PTPRD: variants seen among roughly 807,000 people sequenced by gnomAD.
PTPRD encodes protein tyrosine phosphatase receptor type D.
A neutral mutation model predicts 214.5 loss-of-function variants in PTPRD; 34 were observed. The observed-to-expected ratio is 0.16, with a 90% confidence interval of 0.12 to 0.21. The LOEUF is 0.21. Among genes scored for constraint, PTPRD ranks in the 10% least tolerant of loss-of-function variants. The pLI is 1.00. For missense variants in PTPRD, 2,545 were observed against 2,398.7 expected, an observed-to-expected ratio of 1.06 and a Z score of -1.27; for synonymous variants, 1,128 against 845.7, an observed-to-expected ratio of 1.33 and a Z score of -5.79.
intron 7 of PTPRD, among the ~76,000 whole-genome samples, chr9:9,595,696 GAA>G (rs1358577003): frequency 6.6e-6 from 1 of 151,828 alleles, no homozygotes; most frequent in Non-Finnish European, 1.5e-5. Context: ...CACAGGAATG[GAA>G]AACCAAACAT....
intron 32 of PTPRD, among the ~76,000 whole-genome samples, chr9:8,461,598 T>C (rs368835573): frequency 3.3e-5 from 5 of 151,602 alleles, no homozygotes; most frequent in East Asian, 3.9e-4. Context: ...CAAACCACCA[T>C]TGGTCCTATT....
intron 9 of PTPRD, among the ~76,000 whole-genome samples, chr9:9,227,128 T>C (rs1221730320): frequency 6.6e-6 from 1 of 152,068 alleles, no homozygotes; most frequent in Non-Finnish European, 1.5e-5. Flanking sequence ...ACAAATGAGG[T>C]GAAGTAACTT....
intron 3 of PTPRD, among the ~76,000 whole-genome samples, chr9:10,331,939 G>A (rs1436178634): frequency 6.6e-6 from 1 of 151,828 alleles, no homozygotes; most frequent in Non-Finnish European, 1.5e-5. Context: ...AATGTTCAGG[G>A]TAGGGGATTA....
chr9:10,148,294 T>A lies in PTPRD; in HGVS notation c.-544-114504A>T, dbSNP rs1478398480. ...TTTTACTTTTTTCATCTATGAGAAA[T>A]AAATTGACCTATTAATAATCATTTA... On this transcript the variant is annotated intron_variant, in intron 3 of 45. Coordinates refer to ENST00000381196, the MANE Select transcript of PTPRD (RefSeq NM_002839.4). Among the ~76,000 whole-genome samples the A allele has an allele frequency of 2.0e-5, 3 of 152,330 alleles. 1 individual carries two copies. Among genetic ancestry groups the A allele is most frequent in the East Asian group, 3.9e-4 (2 of 5,192 alleles).
chr9:8,551,770 A>G (rs1477525178), intron 14 of PTPRD, among the ~76,000 whole-genome samples: 2 of 152,218 alleles, frequency 1.3e-5, no homozygotes, highest in Non-Finnish European at 2.9e-5. Context: ...CAAAATGTTG[A>G]CTATGAGGAC....
Position 9,290,897 on chromosome 9 carries a change from C to T in PTPRD, c.-203+106552G>A, listed in dbSNP as rs1950946696. On this transcript the variant is annotated intron_variant, in intron 9 of 45. Transcript: ENST00000381196. ...CCATAGCCACAAGATAGAGTCTTTG[C>T]TATCAGTGAGATTATATCATTAAAT... Among the ~76,000 whole-genome samples the T allele has an allele frequency of 2.0e-5, 3 of 151,366 alleles. No homozygotes were observed. In the South Asian group the frequency reaches 6.2e-4, roughly 31 times the overall value.
At chr9:8,497,195 C>A in intron 26 of PTPRD, 47 bp downstream of exon 26, 1 of 1,494,004 alleles carries the variant, frequency 6.7e-7, no homozygotes, top group Non-Finnish European at 9.1e-7. Flanking sequence ...TCAGAGAAAA[C>A]AAGCATATAT....
At chr9:10,584,224 C>G (rs888743414) in intron 2 of PTPRD, among the ~76,000 whole-genome samples, 1 of 151,980 alleles carries the variant, frequency 6.6e-6, no homozygotes, top group African/African-American at 2.4e-5. Context: ...GCTCTTATCT[C>G]TTTCTTCCTT....
chr9:9,822,917 G>A (rs1017730218), intron 5 of PTPRD, among the ~76,000 whole-genome samples: 3 of 152,052 alleles, frequency 2.0e-5, no homozygotes, highest in Admixed American at 2.0e-4. Flanking sequence ...TACGTCCACA[G>A]AAAAGTTAAA....
chr9:10,063,326 A>T (rs111496741), intron 3 of PTPRD, among the ~76,000 whole-genome samples: 13 of 152,206 alleles, frequency 8.5e-5, no homozygotes, highest in African/African-American at 2.9e-4. Flanking sequence ...TTTCTTAAGA[A>T]ATAAATGTCC....
intron 4 of PTPRD, among the ~76,000 whole-genome samples, chr9:9,998,744 G>A (rs1337791805): frequency 1.3e-5 from 2 of 152,104 alleles, no homozygotes; most frequent in African/African-American, 4.8e-5. Flanking sequence ...AGGCACAAGT[G>A]CTCAATTAGC....
At chr9:10,299,777 AT>A (rs2095803873) in intron 3 of PTPRD, among the ~76,000 whole-genome samples, 1 of 152,214 alleles carries the variant, frequency 6.6e-6, no homozygotes, top group Admixed American at 6.5e-5. Flanking sequence ...AAATATTTGC[AT>A]ATGAATGGTA....
intron 5 of PTPRD, among the ~76,000 whole-genome samples, chr9:9,806,039 A>G (rs908780110): frequency 2.9e-4 from 44 of 152,196 alleles, no homozygotes; most frequent in Admixed American, 2.9e-3. Context: ...AAGCCATTAC[A>G]TATAAAGGAT....
intron 2 of PTPRD, among the ~76,000 whole-genome samples, chr9:10,421,045 C>T (rs1199522983): frequency 6.6e-6 from 1 of 151,802 alleles, no homozygotes; most frequent in African/African-American, 2.4e-5. Context: ...ATAAAATACA[C>T]TAACACTAAC....
At chr9:9,774,160 C>T (rs902118573) in intron 5 of PTPRD, among the ~76,000 whole-genome samples, 62 of 152,082 alleles carry the variant, frequency 4.1e-4, no homozygotes, top group African/African-American at 1.4e-3. Context: ...CACAGTGTGC[C>T]CCGCAGCTAG....
intron 7 of PTPRD, among the ~76,000 whole-genome samples, chr9:9,580,438 A>T (rs1307313690): frequency 6.6e-6 from 1 of 152,002 alleles, no homozygotes; most frequent in Non-Finnish European, 1.5e-5. Context: ...TTTTAACTTT[A>T]ATCATTTTCT....
chr9:10,537,041 G>C lies in PTPRD; in HGVS notation c.-600+75357C>G, dbSNP rs145268183. ...AATTGGGTTGGGCATTTCTTTTCTA[G>C]CTCTGAAATAGCATTCTGTGGGATG... On this transcript the variant is annotated intron_variant, in intron 2 of 45. Transcript: ENST00000381196. 2.6e-5 allele frequency among the ~76,000 whole-genome samples: 4 copies of C among 152,112 alleles called. No individual in the cohort carries two copies. In the East Asian group the frequency reaches 7.7e-4, roughly 29 times the overall value.
chr9:9,034,882 A>G (rs1453767144), intron 10 of PTPRD, among the ~76,000 whole-genome samples: 3 of 152,262 alleles, frequency 2.0e-5, no homozygotes, highest in African/African-American at 7.2e-5. Context: ...AACATGCAGG[A>G]ATATTCATAT....
chr9:10,020,325 C>T (rs566418136), intron 4 of PTPRD, among the ~76,000 whole-genome samples: 1 of 151,162 alleles, frequency 6.6e-6, no homozygotes, highest in Non-Finnish European at 1.5e-5. Flanking sequence ...TTTTCTTTGA[C>T]GGAGTCTTGC....
Sources: gnomAD v4.1 joint callset for allele counts (sites outside exome capture counted in the v4.1 genomes callset) on GRCh38, gnomAD v4.1.1 for gene constraint, MANE v1.5 for transcripts, NCBI Gene and HGNC (gene_info 2026-07-23, HGNC 2026-07-21) for gene names.